Variants in SCHIP1 observed in about 807,000 individuals in gnomAD.
The protein encoded by SCHIP1 is schwannomin-interacting protein 1.
Under a neutral mutation model 29.7 loss-of-function variants are expected in SCHIP1, and 8 were observed. That is an observed-to-expected ratio of 0.27 (90% confidence interval 0.16 to 0.49). The LOEUF (loss-of-function observed/expected upper bound fraction) is 0.49. Ranked by LOEUF, SCHIP1 falls within the 20% of genes least tolerant of loss-of-function variation. The probability of loss-of-function intolerance (pLI) is 0.99; values close to 1 mark genes in which losing one functional copy is unlikely to be tolerated. For missense variants in SCHIP1, 193 were observed against 294.6 expected, an observed-to-expected ratio of 0.66 and a Z score of 2.52; for synonymous variants, 76 against 94.9, an observed-to-expected ratio of 0.80 and a Z score of 1.16.
chr3:159,627,287 C>T, the SCHIP1 span, among the ~76,000 whole-genome samples: 77 of 152,212 alleles, frequency 5.1e-4, no homozygotes, highest in African/African-American at 1.7e-3. Flanking sequence ...CTAAGTTATC[C>T]GTAAAAGATT....
the SCHIP1 span, among the ~76,000 whole-genome samples, chr3:159,421,590 A>G: frequency 6.6e-6 from 1 of 152,240 alleles, no homozygotes; most frequent in South Asian, 2.1e-4. Flanking sequence ...GTCTAATGCC[A>G]GGGGAGGTCT....
chr3:159,755,079 C>CA, the SCHIP1 span, among the ~76,000 whole-genome samples: 2 of 151,972 alleles, frequency 1.3e-5, no homozygotes, highest in African/African-American at 4.8e-5. Context: ...ACTAAAAATA[C>CA]AAAAAATTAG....
At chr3:159,278,089 G>A in the SCHIP1 span, among the ~76,000 whole-genome samples, 1 of 152,098 alleles carries the variant, frequency 6.6e-6, no homozygotes, top group Non-Finnish European at 1.5e-5. Flanking sequence ...GATCTCTAAG[G>A]TCTTTTCCAA....
the SCHIP1 span, among the ~76,000 whole-genome samples, chr3:159,593,635 A>G: frequency 6.6e-6 from 1 of 152,166 alleles, no homozygotes; most frequent in African/African-American, 2.4e-5. Context: ...TAAAGCAAAG[A>G]TAAATGAGGT....
chr3:159,738,021 T>C, the SCHIP1 span, among the ~76,000 whole-genome samples: 1 of 152,236 alleles, frequency 6.6e-6, no homozygotes, highest in East Asian at 1.9e-4. Context: ...AAACAATAAA[T>C]TTATTTCCTT....
chr3:159,323,849 G>A, the SCHIP1 span, among the ~76,000 whole-genome samples: 2 of 152,124 alleles, frequency 1.3e-5, no homozygotes, highest in African/African-American at 4.8e-5. Flanking sequence ...GAATGCTATC[G>A]GTGAGCTAAC....
At chr3:159,782,918 T>C in the SCHIP1 span, among the ~76,000 whole-genome samples, 1 of 152,294 alleles carries the variant, frequency 6.6e-6, no homozygotes, top group African/African-American at 2.4e-5. Context: ...CCAGAAGTCC[T>C]GAAATCACAT....
At chr3:159,840,156 T>C in exon 1 of SCHIP1, 1 of 1,535,202 alleles carries the variant, frequency 6.5e-7, no homozygotes, top group East Asian at 2.4e-5. Context: ...CAGTCCTGCG[T>C]TGGGGTCTGC....
the SCHIP1 span, among the ~76,000 whole-genome samples, chr3:159,497,445 G>A: frequency 6.6e-6 from 1 of 151,824 alleles, no homozygotes; most frequent in Non-Finnish European, 1.5e-5. Flanking sequence ...GCTTTATATG[G>A]ACCATCTCAC....
chr3:159,623,402 G>T, the SCHIP1 span, among the ~76,000 whole-genome samples: 4 of 152,114 alleles, frequency 2.6e-5, no homozygotes, highest in East Asian at 7.7e-4. Flanking sequence ...GAGGGAGGCG[G>T]ATCACCTGAG....
At chr3:159,781,090 A>G in the SCHIP1 span, among the ~76,000 whole-genome samples, 1 of 152,238 alleles carries the variant, frequency 6.6e-6, no homozygotes, top group Non-Finnish European at 1.5e-5. Context: ...TCCTTATCTT[A>G]TAGAAACTGT....
the SCHIP1 span, among the ~76,000 whole-genome samples, chr3:159,711,394 A>AG: frequency 2.3e-3 from 181 of 77,652 alleles, 17 homozygotes; most frequent in Admixed American, 4.0e-3. Context: ...AAAAAAAAAA[A>AG]AAAGAAATTT....
At chr3:159,447,732 T>C in the SCHIP1 span, among the ~76,000 whole-genome samples, 1 of 152,228 alleles carries the variant, frequency 6.6e-6, no homozygotes, top group Non-Finnish European at 1.5e-5. Flanking sequence ...AAGTTCACTT[T>C]GAACATATTT....
At chr3:159,315,197 CTTTT>C in the SCHIP1 span, among the ~76,000 whole-genome samples, 5 of 91,056 alleles carry the variant, frequency 5.5e-5, no homozygotes, top group Non-Finnish European at 6.7e-5. Context: ...TTTAGGACTT[CTTTT>C]TTTTTTTTTT....
the SCHIP1 span, among the ~76,000 whole-genome samples, chr3:159,772,391 G>T: frequency 1.3e-5 from 2 of 152,132 alleles, no homozygotes; most frequent in Non-Finnish European, 2.9e-5. Flanking sequence ...TGATCCACCC[G>T]CCTTGGCCTC....
the SCHIP1 span, chr3:159,282,824 T>C: frequency 2.0e-5 from 3 of 152,176 alleles, no homozygotes; most frequent in Non-Finnish European, 2.9e-5. Flanking sequence ...TCTATTCTAG[T>C]ACCTATATTT....
chr3:159,507,772 T>C, the SCHIP1 span, among the ~76,000 whole-genome samples: 6 of 152,332 alleles, frequency 3.9e-5, no homozygotes, highest in East Asian at 9.6e-4. Flanking sequence ...ATTACGTTTA[T>C]TGATTTTGGT....
At chr3:159,622,251 T>C in the SCHIP1 span, among the ~76,000 whole-genome samples, 1 of 152,300 alleles carries the variant, frequency 6.6e-6, no homozygotes, top group South Asian at 2.1e-4. Flanking sequence ...CAGAAACGAA[T>C]GGGGCCATGT....
At chr3:159,639,637 G>T in the SCHIP1 span, among the ~76,000 whole-genome samples, 1 of 152,006 alleles carries the variant, frequency 6.6e-6, no homozygotes, top group Non-Finnish European at 1.5e-5. Context: ...CTTTAACATC[G>T]GTGTATAAAC....
Sources: gnomAD v4.1 joint callset for allele counts (sites outside exome capture counted in the v4.1 genomes callset) on GRCh38, gnomAD v4.1.1 for gene constraint, MANE v1.5 for transcripts, NCBI Gene and HGNC (gene_info 2026-07-23, HGNC 2026-07-21) for gene names.